Variants in MYOM3 observed in about 807,000 individuals in gnomAD.
MYOM3 encodes the protein myomesin 3, also known as myomesin-3.
MYOM3 carries 155 observed loss-of-function variants against 191.7 expected under a neutral mutation model. That is an observed-to-expected ratio of 0.81 (90% CI 0.71 to 0.92). The LOEUF is 0.92. MYOM3 is among the 40% of genes least tolerant of loss of function. MYOM3 has a pLI of 0.00. For synonymous variants in MYOM3, 757 were observed against 762.9 expected (o/e 0.99, Z 0.13); for missense variants, 1,889 against 1,890.6 (o/e 1.00, Z 0.02).
chr1:24,110,119 C>T (rs575027898), intron 1 of MYOM3, among the ~76,000 whole-genome samples: 8 of 152,248 alleles, frequency 5.3e-5, no homozygotes, highest in Admixed American at 2.0e-4. Context: ...TCTCTGAGGG[C>T]CCCCCTGATG....
chr1:24,063,553 G>T lies in MYOM3; in HGVS notation c.3623-23C>A. The T allele has an allele frequency of 6.2e-7, 1 of 1,614,100 alleles. No homozygotes were observed. Among genetic ancestry groups the T allele is most frequent in the Non-Finnish European group, 8.5e-7 (1 of 1,179,974 alleles). The stretch of plus-strand genomic sequence containing the variant: ...GGGCTGGCGGGAAACAGAGAGAAGG[G>T]TTAGCTGGCATAGGGCTCCCCTAGG... On this transcript the variant is annotated intron_variant, in intron 30 of 36. Coordinates refer to ENST00000374434, the MANE Select transcript of MYOM3 (RefSeq NM_152372.4). The surrounding 1 kb of genome is among the most constrained non-coding windows in gnomAD (Gnocchi z 4.5).
At chr1:24,093,185 T>A (rs1643861795) in intron 9 of MYOM3, 77 bp from the exon 10 acceptor site, 2 of 906,602 alleles carry the variant, frequency 2.2e-6, no homozygotes, top group African/African-American at 3.4e-5. Context: ...AACTGGGGGG[T>A]CTGGAGACCC....
Position 24,080,076 on chromosome 1 carries a change from C to T in MYOM3, c.2526G>A (p.Glu842=), listed in dbSNP as rs34455993. Residue 842 remains glutamate (E), a synonymous_variant, in exon 20 of 37, where the codon GAG becomes GAA. Transcript: ENST00000374434. ...PVTGYHVSFQ[E]EGSEQWKPVT... ...CCGGCTTCCACTGCTCAGAGCCTTCCTCCTGGAAACTGACGTGATAGCCTG... is the reference window on the plus strand; with the variant it reads ...CCGGCTTCCACTGCTCAGAGCCTTCTTCCTGGAAACTGACGTGATAGCCTG... 1,008 of 1,614,170 alleles carry T rather than the reference C, an allele frequency of 6.2e-4. 8 individuals are homozygous for T. In the African/African-American group the frequency reaches 0.012, roughly 19 times the overall value.
At position 24,084,538 on chromosome 1, in the gene MYOM3, A is replaced by G; in HGVS notation, c.1900T>C (p.Tyr634His). The G allele has an allele frequency of 6.2e-7, 1 of 1,614,146 alleles. No homozygotes were observed. ...PVKDPELLGY[Y>H]IYSRKVGTSE... ...GTCCCCACCTTCCGGGAGTAGATGT[A>G]ATAACCCAGGAGCTCTGGGTCTTTC... Residue 634 changes from tyrosine (Y) to histidine (H), a missense_variant, in exon 16 of 37, where the codon TAC becomes CAC. By Grantham distance (83) the Tyr-to-His change is moderately conservative. Coordinates refer to ENST00000374434, the MANE Select transcript of MYOM3 (RefSeq NM_152372.4).
intron 22 of MYOM3, among the ~76,000 whole-genome samples, chr1:24,074,534 C>A (rs1265645233): frequency 1.3e-5 from 2 of 152,190 alleles, no homozygotes; most frequent in Non-Finnish European, 2.9e-5. Context: ...GGGCTTGAGG[C>A]ATAGGCTTTA....
In MYOM3 at chr1:24,089,616, G is replaced by C; in HGVS notation, c.1536C>G (p.Ile512Met). Residue 512 changes from isoleucine (I) to methionine (M), a missense_variant, in exon 14 of 37, where the codon ATC (isoleucine) becomes ATG (methionine). Physicochemically the swap from Ile to Met is conservative, Grantham distance 10. Transcript: ENST00000374434. Reference protein sequence around the residue: ...SPPTNVHASEIREAYVVLAWE... With the variant: ...SPPTNVHASEMREAYVVLAWE... ...AGGCCAGAACCACATAGGCCTCTCG[G>C]ATCTCGCTGGCATGGACATTGGTTG... The C allele has an allele frequency of 6.3e-7, 1 of 1,594,856 alleles. No homozygotes were observed.
In MYOM3 at chr1:24,075,469, T is replaced by C. The variant is rs1643585462; in HGVS notation, c.2708A>G (p.His903Arg). The C allele has an allele frequency of 6.4e-7, 1 of 1,570,728 alleles. No individual in the cohort carries two copies. The highest frequency in any genetic ancestry group is 8.6e-7 in the Non-Finnish European group (1 of 1,161,588). ...TTCATCCACACCAACCTCGATCTCA[T>C]GGGCACCTGAGGGCGAGATCCAACA... Reference protein sequence around the residue: ...PVLLEDKPGAHEIEVGVDEEG... With the variant: ...PVLLEDKPGAREIEVGVDEEG... The change falls in exon 22 of 37, where the codon CAT becomes CGT. Residue 903 changes from histidine to arginine, a missense_variant. By Grantham distance (29) the His-to-Arg change is conservative (BLOSUM62 0). Coordinates refer to ENST00000374434, the MANE Select transcript of MYOM3 (RefSeq NM_152372.4).
In MYOM3 at chr1:24,068,038, A is replaced by G. The variant is rs1643474938; in HGVS notation, c.3296-9T>C. 1 of 1,614,110 alleles carries G rather than the reference A, an allele frequency of 6.2e-7. No individual in the cohort carries two copies. The highest frequency in any genetic ancestry group is 8.5e-7 in the Non-Finnish European group (1 of 1,179,964). Reference sequence around the variant, plus strand: ...CAGAAGCTTGTCAAAATCTGTGAACACAGAGGGAGGAACTGGCATGAGCCG... The same window carrying G: ...CAGAAGCTTGTCAAAATCTGTGAACGCAGAGGGAGGAACTGGCATGAGCCG... On this transcript the variant is annotated splice_polypyrimidine_tract_variant and intron_variant, in intron 26 of 36. Transcript: ENST00000374434.
intron 7 of MYOM3, 74 bp downstream of exon 7, chr1:24,097,849 C>G: frequency 2.0e-6 from 2 of 1,007,460 alleles, no homozygotes; most frequent in South Asian, 1.3e-5. Context: ...AGGTCTCACG[C>G]AGACCCATGT....
At chr1:24,058,706 T>G (rs1263844733) in intron 36 of MYOM3, among the ~76,000 whole-genome samples, 1 of 152,190 alleles carries the variant, frequency 6.6e-6, no homozygotes, top group Non-Finnish European at 1.5e-5. Context: ...TGCCCAGGGC[T>G]GTCTAGACAG....
At chr1:24,105,247 A>C (rs1416941656) in intron 5 of MYOM3, among the ~76,000 whole-genome samples, 1 of 152,220 alleles carries the variant, frequency 6.6e-6, no homozygotes, top group East Asian at 1.9e-4. Flanking sequence ...GGAGGTCTTC[A>C]ATCCACTCTT....
chr1:24,057,509 A>G lies in MYOM3; in HGVS notation c.4169T>C (p.Val1390Ala). ...GTTGACCTTCTCAATGGTGATGGTG[A>G]CCTCTGTCCCCCTCACTTCCATGCG... ...RYRMEVRGTE[V>A]TITIEKVNSE... Residue 1390 changes from valine (V) to alanine (A), a missense_variant, in exon 37 of 37, where the codon GTC (valine) becomes GCC (alanine). By Grantham distance (64) the Val-to-Ala change is moderately conservative. Coordinates refer to ENST00000374434, the MANE Select transcript of MYOM3 (RefSeq NM_152372.4). 1 of 1,614,076 alleles carries G rather than the reference A, an allele frequency of 6.2e-7. No individual in the cohort carries two copies. Among genetic ancestry groups the G allele is most frequent in the Non-Finnish European group, 8.5e-7 (1 of 1,180,016 alleles).
At chr1:24,072,061 T>C (rs1192465445) in intron 23 of MYOM3, 48 bp from the exon 24 acceptor site, 1 of 1,548,292 alleles carries the variant, frequency 6.5e-7, no homozygotes, top group Non-Finnish European at 8.9e-7. Context: ...TGAAATATCC[T>C]GGTCGGGGGT....
intron 1 of MYOM3, among the ~76,000 whole-genome samples, chr1:24,109,834 G>T (rs934234784): frequency 6.6e-6 from 1 of 152,186 alleles, no homozygotes; most frequent in African/African-American, 2.4e-5. Flanking sequence ...TCCATTCAAG[G>T]CCAGGCCGTG....
chr1:24,101,949 A>G lies in MYOM3; in HGVS notation c.561-2174T>C, dbSNP rs556801371. ...TGAGGAGTGAGGGTGAGTGACACTT[A>G]GGAGGCCTGGATTTTGACACAGCTT... On this transcript the variant is annotated intron_variant, in intron 5 of 36. Transcript: ENST00000374434. 2.0e-5 allele frequency among the ~76,000 whole-genome samples: 3 copies of G among 152,160 alleles called. No individual in the cohort carries two copies. In the South Asian group the frequency reaches 6.2e-4, roughly 32 times the overall value.
intron 18 of MYOM3, 136 bp downstream of exon 18, chr1:24,081,865 G>A: frequency 2.2e-6 from 2 of 895,856 alleles, no homozygotes; most frequent in Admixed American, 5.5e-5. Context: ...GTCTGCACTG[G>A]AAAATGATCT....
rs66516438 is a variant in MYOM3, at chr1:24,075,076, A to AAAAAGAAAAGAAAAGAAAAGAAAAG, written c.2858+218_2858+242dup. On this transcript the variant is annotated intron_variant, in intron 22 of 36. Transcript: ENST00000374434. ...GCAATAGAGCAAGACCCTGTCTCAA[A>AAAAAGAAAAGAAAAGAAAAGAAAAG]AAAAGAAAAGAAAAGAAAAGAAAAG... Among the ~76,000 whole-genome samples, 467 of 150,514 alleles carry AAAAAGAAAAGAAAAGAAAAGAAAAG rather than the reference A, an allele frequency of 3.1e-3. 1 individual carries two copies. The highest frequency in any genetic ancestry group is 0.011 in the African/African-American group (448 of 40,750).
chr1:24,107,019 C>T (rs1643989003), intron 4 of MYOM3, 54 bp downstream of exon 4: 1 of 1,516,752 alleles, frequency 6.6e-7, no homozygotes, highest in East Asian at 2.4e-5. Context: ...AGGATGGCAG[C>T]AAGTGGTGCG....
rs1643309179 is a variant in MYOM3 at position 24,057,016 on chromosome 1, A to C, written c.*348T>G. ...GGGCTCATGGCCCTTGGCACTTTTG[A>C]CATCTGGGGTCGGATAATTCTATGT... On this transcript the variant is annotated 3_prime_UTR_variant, in exon 37 of 37. Coordinates refer to ENST00000374434, the MANE Select transcript of MYOM3 (RefSeq NM_152372.4). 4.0e-6 allele frequency: 1 copy of C among 248,104 alleles called. No individual in the cohort carries two copies. The allele number at this position is 248,104 out of a possible 1,614,324, so 15.4% of individuals were successfully genotyped here.
Sources: allele counts gnomAD v4.1 joint callset (sites outside exome capture counted in the v4.1 genomes callset), GRCh38; gene constraint gnomAD v4.1.1; non-coding constraint Gnocchi (gnomAD v3.1); transcripts MANE v1.5; gene names NCBI Gene and HGNC (gene_info 2026-07-23, HGNC 2026-07-21).